Variants in TRUB1 observed in about 807,000 individuals in gnomAD.
The protein encoded by TRUB1 is pseudouridylate synthase TRUB1.
In TRUB1, 23 loss-of-function variants were observed where a neutral mutation model predicts 33.9. That is an observed-to-expected ratio of 0.68 (90% confidence interval 0.49 to 0.96). The LOEUF (loss-of-function observed/expected upper bound fraction) is 0.96. Among genes scored for constraint, TRUB1 ranks in the 40% least tolerant of loss-of-function variants. The probability of loss-of-function intolerance (pLI) is 0.00; values close to 1 mark genes in which losing one functional copy is unlikely to be tolerated. For missense variants in TRUB1, 378 were observed against 422.2 expected, an observed-to-expected ratio of 0.90 and a Z score of 0.92; for synonymous variants, 163 against 165.4, an observed-to-expected ratio of 0.99 and a Z score of 0.11.
At chr10:114,966,960 CA>C (rs1266171213) in intron 4 of TRUB1, among the ~76,000 whole-genome samples, 1 of 152,208 alleles carries the variant, frequency 6.6e-6, no homozygotes, top group Non-Finnish European at 1.5e-5. Context: ...GTGCATTCAA[CA>C]AAGTTTCTTC....
In TRUB1 at chr10:114,957,823, G is replaced by A. The variant is rs141641161; in HGVS notation, c.442-1903G>A. 3.7e-3 allele frequency among the ~76,000 whole-genome samples: 565 copies of A among 152,230 alleles called. 1 individual carries two copies. The highest frequency in any genetic ancestry group is 0.012 in the African/African-American group (514 of 41,538). ...GCATAGTCTGCAAGATTGCACCATGGTTTTCTTATGCAACTAAACAGACTC... is the reference window on the plus strand; with the variant it reads ...GCATAGTCTGCAAGATTGCACCATGATTTTCTTATGCAACTAAACAGACTC... On this transcript the variant is annotated intron_variant, in intron 3 of 7. Transcript: ENST00000298746.
chr10:114,955,165 G>A (rs1215254139), intron 3 of TRUB1, among the ~76,000 whole-genome samples: 1 of 152,218 alleles, frequency 6.6e-6, no homozygotes, highest in African/African-American at 2.4e-5. Flanking sequence ...TTAGGCTGAT[G>A]TGTTCCTTTG....
chr10:114,958,794 G>T (rs1297383268), intron 3 of TRUB1, among the ~76,000 whole-genome samples: 1 of 152,162 alleles, frequency 6.6e-6, no homozygotes, highest in African/African-American at 2.4e-5. Flanking sequence ...TCTTAGAAAC[G>T]ATTCTTGTTC....
At chr10:114,938,747 C>A (rs1314019917) in intron 1 of TRUB1, among the ~76,000 whole-genome samples, 1 of 152,164 alleles carries the variant, frequency 6.6e-6, no homozygotes, top group Non-Finnish European at 1.5e-5. Context: ...AGTTGTAGTT[C>A]TCAACGGGAG....
At chr10:114,963,310 C>T (rs1161600192) in intron 4 of TRUB1, among the ~76,000 whole-genome samples, 1 of 152,160 alleles carries the variant, frequency 6.6e-6, no homozygotes, top group Non-Finnish European at 1.5e-5. Context: ...TATGGTTTGG[C>T]TGCTGAGACT....
intron 1 of TRUB1, 140 bp downstream of exon 1, chr10:114,938,679 A>T: frequency 1.1e-6 from 1 of 942,314 alleles, no homozygotes; most frequent in Non-Finnish European, 1.5e-6. Context: ...CTGGACAGGA[A>T]TCTCGGGCAT....
chr10:114,971,971 G>T (rs1198507435), intron 5 of TRUB1, among the ~76,000 whole-genome samples, 164 bp from the exon 6 acceptor site: 1 of 152,180 alleles, frequency 6.6e-6, no homozygotes, highest in Non-Finnish European at 1.5e-5. Context: ...GAGTAGATTA[G>T]AATTAAAAAT....
chr10:114,944,342 G>GAAAATAGTATGCTTCAA (rs1468776084), intron 2 of TRUB1, among the ~76,000 whole-genome samples: 2 of 152,128 alleles, frequency 1.3e-5, no homozygotes, highest in Admixed American at 6.5e-5. Context: ...AATCGGTGAA[G>GAAAATAGTATGCTTCAA]AAAATAGTAT....
chr10:114,953,058 T>G (rs1327243134), intron 3 of TRUB1, among the ~76,000 whole-genome samples: 3 of 152,202 alleles, frequency 2.0e-5, no homozygotes. Flanking sequence ...GAGATATTCG[T>G]TGTTCACCCC....
intron 4 of TRUB1, among the ~76,000 whole-genome samples, chr10:114,961,995 A>C (rs1297105558): frequency 6.6e-6 from 1 of 152,380 alleles, no homozygotes; most frequent in African/African-American, 2.4e-5. Context: ...AGAAAAATCA[A>C]TATGATGTAG....
Position 114,972,173 on chromosome 10 carries a change from C to T in TRUB1, c.635C>T (p.Thr212Ile), listed in dbSNP as rs1259689316. Residue 212 changes from threonine (T) to isoleucine (I), a missense_variant, in exon 6 of 8, where the codon ACT becomes ATT. Thr to Ile is a moderately conservative substitution (Grantham distance 89, BLOSUM62 -1). Transcript: ENST00000298746. ...AAGAAAGATGGACAAAGACTTTCGACTTTGATGAAGAGAGGTGAAGTCGTA... is the reference window on the plus strand; with the variant it reads ...AAGAAAGATGGACAAAGACTTTCGATTTTGATGAAGAGAGGTGAAGTCGTA... Reference protein sequence around the residue: ...ALKKDGQRLSTLMKRGEVVEA... With the variant: ...ALKKDGQRLSILMKRGEVVEA... 1.9e-6 allele frequency: 3 copies of T among 1,613,630 alleles called. No individual in the cohort carries two copies. The highest frequency in any genetic ancestry group is 2.5e-6 in the Non-Finnish European group (3 of 1,179,778).
At position 114,977,558 on chromosome 10, in the gene TRUB1, ATGT is replaced by A. The variant is rs1173688714; in HGVS notation, c.*2185_*2187del. On this transcript the variant is annotated 3_prime_UTR_variant, in exon 8 of 8. Transcript: ENST00000298746. ...GTTACCATTTGAGTAGGGGTTTTAT[ATGT>A]TGTTGCTAATTTAGTAAACATAGGA... 6.6e-6 allele frequency: 1 copy of A among 151,932 alleles called. No individual in the cohort carries two copies. Among genetic ancestry groups the A allele is most frequent in the Non-Finnish European group, 1.5e-5 (1 of 67,894 alleles). 9.4% of individuals were successfully genotyped at this position (151,932 alleles called of 1,614,324 possible). A position where few individuals can be genotyped will look rare whatever the true frequency, so the allele number is the denominator to read the frequency against.
chr10:114,967,355 T>C (rs2084314764), intron 4 of TRUB1, among the ~76,000 whole-genome samples: 1 of 152,204 alleles, frequency 6.6e-6, no homozygotes, highest in Non-Finnish European at 1.5e-5. Context: ...TTGTCCAGTT[T>C]AACAGCTGTT....
chr10:114,976,923 G>A lies in TRUB1; in HGVS notation c.*1544G>A, dbSNP rs2084363754. ...GTTCATATCTAGTGCCCCACAGTGT[G>A]TGTCAACCAAAGGTGGCAGTGGCTA... is the stretch of plus-strand genomic sequence containing the variant. On this transcript the variant is annotated 3_prime_UTR_variant, in exon 8 of 8. Coordinates refer to ENST00000298746, the MANE Select transcript of TRUB1 (RefSeq NM_139169.5). The A allele has an allele frequency of 1.3e-5, 2 of 152,124 alleles. No individual in the cohort carries two copies. Among genetic ancestry groups the A allele is most frequent in the African/African-American group, 2.4e-5 (1 of 41,440 alleles). 9.4% of individuals were successfully genotyped at this position (152,124 alleles called of 1,614,324 possible).
rs2084360985 is a variant in TRUB1 at position 114,976,550 on chromosome 10, A to T, written c.*1171A>T. The T allele has an allele frequency of 6.6e-6, 1 of 152,186 alleles. No homozygotes were observed. The highest frequency in any genetic ancestry group is 1.5e-5 in the Non-Finnish European group (1 of 68,006). The allele number at this position is 152,186 out of a possible 1,614,324, so 9.4% of individuals were successfully genotyped here. A position where few individuals can be genotyped will look rare whatever the true frequency, so the allele number is the denominator to read the frequency against. On this transcript the variant is annotated 3_prime_UTR_variant, in exon 8 of 8. Coordinates refer to ENST00000298746, the MANE Select transcript of TRUB1 (RefSeq NM_139169.5). ...CTTCCTTTACTCAAATACAGTTTCAAAAGGAAGACTCATGAGAAATTTCAT... is the reference window on the plus strand; with the variant it reads ...CTTCCTTTACTCAAATACAGTTTCATAAGGAAGACTCATGAGAAATTTCAT...
chr10:114,969,690 T>TTG (rs1554853269), intron 4 of TRUB1: 1 of 150,582 alleles, frequency 6.6e-6, no homozygotes, highest in Non-Finnish European at 1.5e-5. Context: ...TATGTGTGTT[T>TTG]TTTTTTTTTT....
chr10:114,954,003 A>T (rs775498123), intron 3 of TRUB1, among the ~76,000 whole-genome samples: 1 of 151,946 alleles, frequency 6.6e-6, no homozygotes, highest in Non-Finnish European at 1.5e-5. Flanking sequence ...CAGACATCCA[A>T]ACTTTATCCA....
intron 4 of TRUB1, 51 bp downstream of exon 4, chr10:114,959,858 T>G: frequency 9.0e-7 from 1 of 1,108,564 alleles, no homozygotes; most frequent in Non-Finnish European, 1.4e-6. Context: ...AGGAAAAGTT[T>G]CTGTGCAGGT....
At chr10:114,958,562 T>C (rs191670933) in intron 3 of TRUB1, among the ~76,000 whole-genome samples, 35 of 152,352 alleles carry the variant, frequency 2.3e-4, no homozygotes, top group Non-Finnish European at 3.5e-4. Flanking sequence ...CAAAGTACTT[T>C]GAGTTTTCTT....
Sources: allele counts gnomAD v4.1 joint callset (sites outside exome capture counted in the v4.1 genomes callset), GRCh38; gene constraint gnomAD v4.1.1; transcripts MANE v1.5; gene names NCBI Gene and HGNC (gene_info 2026-07-23, HGNC 2026-07-21).